The following ATP8B4 variants were observed in gnomAD, a reference collection of about 807,000 sequenced individuals.
The protein encoded by ATP8B4 is ATPase phospholipid transporting 8B4 (putative).
A neutral mutation model predicts 145.6 loss-of-function variants in ATP8B4; 133 were observed. The observed-to-expected ratio is 0.91, with a 90% confidence interval of 0.79 to 1.05. The LOEUF (loss-of-function observed/expected upper bound fraction) is 1.05, where lower values mean the gene tolerates loss of function less well. Among genes scored for constraint, ATP8B4 ranks in the 50% least tolerant of loss-of-function variants. ATP8B4 has a pLI of 0.00. For synonymous variants in ATP8B4, 507 were observed against 492.9 expected (o/e 1.03, Z -0.38); for missense variants, 1,458 against 1,425.2 (o/e 1.02, Z -0.37).
At chr15:50,040,490 C>G (rs1182463025) in intron 5 of ATP8B4, among the ~76,000 whole-genome samples, 1 of 152,186 alleles carries the variant, frequency 6.6e-6, no homozygotes, top group Non-Finnish European at 1.5e-5. Flanking sequence ...TTGCCAAGAC[C>G]CTGACTGGTG....
chr15:49,983,394 C>T (rs1382712947), intron 10 of ATP8B4, among the ~76,000 whole-genome samples: 1 of 152,118 alleles, frequency 6.6e-6, no homozygotes, highest in Non-Finnish European at 1.5e-5. Context: ...TAGTTGATAA[C>T]TTTATCATCC....
chr15:50,036,109 A>G (rs1206255589), intron 6 of ATP8B4, among the ~76,000 whole-genome samples: 1 of 152,190 alleles, frequency 6.6e-6, no homozygotes, highest in African/African-American at 2.4e-5. Context: ...ATTAACTACT[A>G]TCTTATACCT....
chr15:49,981,068 T>C, intron 11 of ATP8B4, 138 bp downstream of exon 11: 1 of 632,152 alleles, frequency 1.6e-6, no homozygotes, highest in South Asian at 2.1e-5. Context: ...GAAGGCAGTA[T>C]AACTGAGCCT....
intron 2 of ATP8B4, among the ~76,000 whole-genome samples, chr15:50,081,402 C>G (rs569490369): frequency 1.3e-5 from 2 of 152,238 alleles, no homozygotes; most frequent in Admixed American, 6.5e-5. Flanking sequence ...AATAGTCAGT[C>G]TTAAAGTTGC....
chr15:50,138,642 A>G (rs1352616731), intron 1 of ATP8B4, among the ~76,000 whole-genome samples: 1 of 152,224 alleles, frequency 6.6e-6, no homozygotes, highest in Non-Finnish European at 1.5e-5. Context: ...CTATTATCTA[A>G]GAAGCATACC....
At chr15:49,953,237 T>A (rs1429146123) in intron 14 of ATP8B4, among the ~76,000 whole-genome samples, 1 of 151,962 alleles carries the variant, frequency 6.6e-6, no homozygotes, top group Non-Finnish European at 1.5e-5. Context: ...TGTCTCTTGG[T>A]GGAAGGGCTG....
At chr15:50,071,662 G>A (rs1197978734) in intron 3 of ATP8B4, among the ~76,000 whole-genome samples, 2 of 152,188 alleles carry the variant, frequency 1.3e-5, no homozygotes, top group Non-Finnish European at 2.9e-5. Flanking sequence ...AAAGGCATGG[G>A]GCCAAGTCTG....
chr15:50,074,815 C>A (rs539609522), intron 2 of ATP8B4, among the ~76,000 whole-genome samples: 1 of 152,084 alleles, frequency 6.6e-6, no homozygotes, highest in African/African-American at 2.4e-5. Flanking sequence ...TATGACAGTG[C>A]AGAATAAAAA....
intron 20 of ATP8B4, among the ~76,000 whole-genome samples, chr15:49,914,014 A>G (rs2153448580): frequency 6.6e-6 from 1 of 152,322 alleles, no homozygotes; most frequent in Non-Finnish European, 1.5e-5. Flanking sequence ...GAGCCCAAAT[A>G]GCCAAAGCAA....
At position 50,174,119 on chromosome 15, in the gene ATP8B4, A is replaced by G. The variant is rs570981017; in HGVS notation, c.-43+8142T>C. Reference sequence around the variant, plus strand: ...CTCTTTATGATTAAAACTTTCAGCAAAATCGGCATACAAGGGACATACCTC... The same window carrying G: ...CTCTTTATGATTAAAACTTTCAGCAGAATCGGCATACAAGGGACATACCTC... On this transcript the variant is annotated intron_variant, in intron 1 of 3. Transcript: ENST00000558829. Among the ~76,000 whole-genome samples, 5 of 152,318 alleles carry G rather than the reference A, an allele frequency of 3.3e-5. No homozygotes were observed. The South Asian group carries it at 1.0e-3, about 32-fold the overall frequency.
chr15:49,887,203 C>A (rs1221054748), intron 23 of ATP8B4, among the ~76,000 whole-genome samples: 2 of 152,006 alleles, frequency 1.3e-5, no homozygotes, highest in African/African-American at 2.4e-5. Context: ...TGCCCCACTT[C>A]TACTTGTGGT....
intron 9 of ATP8B4, among the ~76,000 whole-genome samples, chr15:49,995,221 G>A (rs968339911): frequency 7.9e-5 from 12 of 152,166 alleles, no homozygotes; most frequent in East Asian, 1.9e-4. Context: ...CTACCTCCTC[G>A]TAGATCAATA....
chr15:49,861,473 T>TCTAC (rs71124313), intron 27 of ATP8B4, among the ~76,000 whole-genome samples: 10,062 of 134,656 alleles, frequency 0.075, 516 homozygotes, highest in South Asian at 0.2. Flanking sequence ...TATCTATCTA[T>TCTAC]CTACCTACCT....
intron 14 of ATP8B4, among the ~76,000 whole-genome samples, chr15:49,936,920 G>T (rs1043354198): frequency 5.3e-5 from 8 of 151,498 alleles, no homozygotes; most frequent in African/African-American, 1.5e-4. Flanking sequence ...GGTTTGTCAA[G>T]ATTTTTTTTT....
chr15:50,052,188 G>C (rs2052239143), intron 3 of ATP8B4, among the ~76,000 whole-genome samples: 1 of 152,214 alleles, frequency 6.6e-6, no homozygotes, highest in African/African-American at 2.4e-5. Flanking sequence ...TAGGCCTACA[G>C]TCCAATCTGA....
At chr15:50,014,912 C>G (rs998346560) in intron 6 of ATP8B4, among the ~76,000 whole-genome samples, 2 of 152,160 alleles carry the variant, frequency 1.3e-5, no homozygotes, top group Admixed American at 1.3e-4. Flanking sequence ...ACTGATCCTA[C>G]AGGTACTCAA....
intron 1 of ATP8B4, among the ~76,000 whole-genome samples, chr15:50,173,009 T>TG (rs1887216138): frequency 1.4e-5 from 2 of 140,794 alleles, no homozygotes; most frequent in Admixed American, 1.4e-4. Flanking sequence ...GTCCGGGAGG[T>TG]GGGGGGCAGC....
intron 1 of ATP8B4, among the ~76,000 whole-genome samples, chr15:50,164,134 G>C (rs1319451369): frequency 2.6e-5 from 4 of 152,182 alleles, no homozygotes; most frequent in African/African-American, 9.7e-5. Flanking sequence ...CACTGTGGCT[G>C]AGCTGGTACT....
intron 17 of ATP8B4, among the ~76,000 whole-genome samples, chr15:49,921,526 C>T (rs912122411): frequency 3.3e-5 from 5 of 152,172 alleles, no homozygotes; most frequent in African/African-American, 1.2e-4. Flanking sequence ...CTCAAAAACT[C>T]CCATTCCGCT....
Sources: allele counts gnomAD v4.1 joint callset (sites outside exome capture counted in the v4.1 genomes callset), GRCh38; gene constraint gnomAD v4.1.1; transcripts MANE v1.5; gene names NCBI Gene and HGNC (gene_info 2026-07-23, HGNC 2026-07-21).